The following RIN3 variants were observed in gnomAD, a reference collection of about 807,000 sequenced individuals.
RIN3 encodes Ras and Rab interactor 3.
RIN3 carries 54 observed loss-of-function variants against 76.3 expected under a neutral mutation model. The ratio of observed to expected loss-of-function variants is 0.71; its 90% CI spans 0.57 to 0.89. The LOEUF (loss-of-function observed/expected upper bound fraction) is 0.89. RIN3 is among the 40% of genes least tolerant of loss of function. The probability of loss-of-function intolerance (pLI) is 0.00; values close to 1 mark genes in which losing one functional copy is unlikely to be tolerated. For missense variants in RIN3, 1,256 were observed against 1,322.1 expected, an observed-to-expected ratio of 0.95 and a Z score of 0.78; for synonymous variants, 576 against 564.0, an observed-to-expected ratio of 1.02 and a Z score of -0.30.
intron 4 of RIN3, among the ~76,000 whole-genome samples, chr14:92,634,581 C>A (rs1886710053): frequency 6.6e-6 from 1 of 152,050 alleles, no homozygotes; most frequent in African/African-American, 2.4e-5. Flanking sequence ...AATGTGGATT[C>A]TCAGCTGGGC....
At chr14:92,673,609 G>C (rs1480691496) in intron 7 of RIN3, among the ~76,000 whole-genome samples, 1 of 151,804 alleles carries the variant, frequency 6.6e-6, no homozygotes, top group East Asian at 1.9e-4. Context: ...AGGTTCAAGT[G>C]ATTCTCGTGC....
In RIN3 at chr14:92,685,164, G is replaced by A; in HGVS notation, c.2631+14G>A. On this transcript the variant is annotated intron_variant, in intron 9 of 9. Coordinates refer to ENST00000216487, the MANE Select transcript of RIN3 (RefSeq NM_024832.5). This position sits in a 1 kb window ranked among gnomAD's most constrained non-coding sequence, Gnocchi z 4.7. ...TCCTCCGTACAGGTGAGGCCTGAGA[G>A]CGGGAGGGGCCCGGTGGGGCCATGT... 2 of 1,589,458 alleles carry A rather than the reference G, an allele frequency of 1.3e-6. No homozygotes were observed. The highest frequency in any genetic ancestry group is 1.7e-4 in the Middle Eastern group (1 of 5,992).
At chr14:92,629,117 AAGAGAGAGAGAGAGAG>A (rs58288914) in intron 4 of RIN3, among the ~76,000 whole-genome samples, 20 of 145,358 alleles carry the variant, frequency 1.4e-4, no homozygotes, top group South Asian at 6.8e-4. Flanking sequence ...CGGAAAGGAA[AAGAGAGAGAGAGAGAG>A]AGAGAGAGAG....
chr14:92,633,791 A>C (rs753036196), intron 4 of RIN3, among the ~76,000 whole-genome samples: 2 of 152,132 alleles, frequency 1.3e-5, no homozygotes, highest in South Asian at 4.1e-4. Context: ...AGTAAACTGG[A>C]CTAGAAACTA....
At chr14:92,561,055 A>ATATATATCTC (rs71123360) in intron 2 of RIN3, among the ~76,000 whole-genome samples, 5 of 79,162 alleles carry the variant, frequency 6.3e-5, no homozygotes, top group South Asian at 4.8e-4. Flanking sequence ...ATATATATAT[A>ATATATATCTC]TCTGCCATAT....
intron 1 of RIN3, among the ~76,000 whole-genome samples, chr14:92,529,900 T>C (rs1348806892): frequency 2.6e-5 from 4 of 152,172 alleles, no homozygotes; most frequent in Non-Finnish European, 4.4e-5. Flanking sequence ...TGTCAATGAA[T>C]CAAGATTATA....
rs183418210 is a variant in RIN3, at chr14:92,631,326, C to T, written c.441-9912C>T. 1.8e-4 allele frequency among the ~76,000 whole-genome samples: 27 copies of T among 152,308 alleles called. No individual in the cohort carries two copies. The East Asian group carries it at 4.6e-3, about 26-fold the overall frequency. Reference sequence around the variant, plus strand: ...ACAGTGAAGATTCCCCAGAGCAGGACGCCCCCATCCCTCTCAATCCAGCAC... The same window carrying T: ...ACAGTGAAGATTCCCCAGAGCAGGATGCCCCCATCCCTCTCAATCCAGCAC... On this transcript the variant is annotated intron_variant, in intron 4 of 9. Coordinates refer to ENST00000216487, the MANE Select transcript of RIN3 (RefSeq NM_024832.5).
At chr14:92,531,652 A>G (rs1438853293) in intron 1 of RIN3, among the ~76,000 whole-genome samples, 1 of 152,198 alleles carries the variant, frequency 6.6e-6, no homozygotes, top group Non-Finnish European at 1.5e-5. Flanking sequence ...GGTGGGTTGC[A>G]GGGTGACTCA....
At chr14:92,546,460 C>CT (rs1209914241) in intron 1 of RIN3, among the ~76,000 whole-genome samples, 1 of 152,154 alleles carries the variant, frequency 6.6e-6, no homozygotes, top group Non-Finnish European at 1.5e-5. Flanking sequence ...CATTTCCTGC[C>CT]TTTTAACAGC....
rs375207280 is a variant in RIN3, at chr14:92,615,502, G to A, written c.440+23G>A. ...TAGGTGAGTAGACCCGGCCCTGCAG[G>A]AGGTTATCTGGTTGTAGCAAACATC... On this transcript the variant is annotated intron_variant, in intron 4 of 9. Transcript: ENST00000216487. 5.6e-6 allele frequency: 9 copies of A among 1,598,800 alleles called. No individual in the cohort carries two copies. The African/African-American group carries it at 6.7e-5, about 12-fold the overall frequency.
intron 1 of RIN3, among the ~76,000 whole-genome samples, chr14:92,520,154 C>A (rs920671120): frequency 5.9e-5 from 9 of 152,258 alleles, no homozygotes; most frequent in Admixed American, 1.3e-4. Flanking sequence ...AATGAACGAG[C>A]CTGCAATGAA....
At chr14:92,517,855 C>T (rs566902944) in intron 1 of RIN3, among the ~76,000 whole-genome samples, 1 of 152,332 alleles carries the variant, frequency 6.6e-6, no homozygotes, top group African/African-American at 2.4e-5. Flanking sequence ...GCTAGAGGGA[C>T]TCTCAGGCCA....
rs750623396 is a variant in RIN3 at position 92,577,462 on chromosome 14, A to G, written c.352A>G (p.Lys118Glu). 2.3e-5 allele frequency: 37 copies of G among 1,610,618 alleles called. No homozygotes were observed. The East Asian group carries it at 8.3e-4, about 36-fold the overall frequency. The part of the protein sequence containing the change: ...SSAEVLEYTI[K>E]EEKSILYLEG... ...GGCCGAGGTGCTCGAATACACCATT[A>G]AGGAAGAAAAGTCGAGTAAGTACCC... Residue 118 changes from lysine (K) to glutamate (E), a missense_variant, in exon 3 of 10, where the codon AAG becomes GAG. Physicochemically the swap from Lys to Glu is moderately conservative, Grantham distance 56. Transcript: ENST00000216487.
intron 3 of RIN3, among the ~76,000 whole-genome samples, chr14:92,606,133 C>T (rs1885517514): frequency 1.5e-5 from 2 of 134,914 alleles, no homozygotes; most frequent in South Asian, 2.6e-4. Flanking sequence ...GAGGGAACCC[C>T]AGAGCCAGTC....
chr14:92,598,134 T>C (rs916560191), intron 3 of RIN3, among the ~76,000 whole-genome samples: 4 of 152,168 alleles, frequency 2.6e-5, no homozygotes, highest in African/African-American at 9.7e-5. Context: ...AACTGACAGC[T>C]TCTGCCTGGA....
chr14:92,678,234 G>A (rs1162411236), intron 8 of RIN3, among the ~76,000 whole-genome samples: 1 of 115,034 alleles, frequency 8.7e-6, no homozygotes, highest in South Asian at 3.0e-4. Flanking sequence ...ATCCATCCAT[G>A]CATCCACTCA....
intron 5 of RIN3, among the ~76,000 whole-genome samples, chr14:92,649,804 G>A (rs945223361): frequency 1.1e-4 from 17 of 152,302 alleles, no homozygotes; most frequent in African/African-American, 4.1e-4. Flanking sequence ...TTAGTGTGAT[G>A]AGACCTGGTC....
chr14:92,611,570 A>G (rs1279131944), intron 3 of RIN3, among the ~76,000 whole-genome samples: 1 of 152,142 alleles, frequency 6.6e-6, no homozygotes, highest in African/African-American at 2.4e-5. Context: ...TGGCCTTCTT[A>G]TGAGGACACC....
chr14:92,622,222 T>C (rs905560832), intron 4 of RIN3, among the ~76,000 whole-genome samples: 2 of 152,130 alleles, frequency 1.3e-5, no homozygotes, highest in Non-Finnish European at 2.9e-5. Flanking sequence ...GAGCATCCAC[T>C]TTGGGGAGGT....
Sources: allele counts gnomAD v4.1 joint callset (sites outside exome capture counted in the v4.1 genomes callset), GRCh38; gene constraint gnomAD v4.1.1; non-coding constraint Gnocchi (gnomAD v3.1); transcripts MANE v1.5; gene names NCBI Gene and HGNC (gene_info 2026-07-23, HGNC 2026-07-21).